MICU2: variants seen among roughly 807,000 people sequenced by gnomAD.
MICU2 encodes the protein calcium uptake protein 2, mitochondrial.
A neutral mutation model predicts 60.4 loss-of-function variants in MICU2; 64 were observed. The observed-to-expected ratio is 1.06, with a 90% confidence interval of 0.87 to 1.31. The LOEUF is 1.31. Ranked by LOEUF, MICU2 falls within the 50% of genes most tolerant of loss-of-function variation. The pLI is 0.00. For synonymous variants in MICU2, 201 were observed against 175.0 expected (o/e 1.15, Z -1.17); for missense variants, 569 against 531.0 (o/e 1.07, Z -0.70).
intron 4 of MICU2, among the ~76,000 whole-genome samples, chr13:21,531,648 A>G (rs888714543): frequency 1.3e-5 from 2 of 152,192 alleles, no homozygotes; most frequent in African/African-American, 2.4e-5. Context: ...AGATTTGTAG[A>G]AGTAATAACT....
At chr13:21,591,462 G>C (rs994289017) in intron 1 of MICU2, among the ~76,000 whole-genome samples, 5 of 152,186 alleles carry the variant, frequency 3.3e-5, no homozygotes, top group African/African-American at 1.2e-4. Context: ...GTATTGGATA[G>C]ATCAATGAGA....
intron 1 of MICU2, among the ~76,000 whole-genome samples, chr13:21,576,062 A>G (rs190549999): frequency 6.6e-6 from 1 of 152,368 alleles, no homozygotes; most frequent in African/African-American, 2.4e-5. Flanking sequence ...AGAAGTATGA[A>G]AGGAACAACA....
At chr13:21,561,534 C>G (rs1222856428) in intron 2 of MICU2, among the ~76,000 whole-genome samples, 1 of 150,172 alleles carries the variant, frequency 6.7e-6, no homozygotes, top group Non-Finnish European at 1.5e-5. Flanking sequence ...AGTACTCACC[C>G]ATTAAAAAAA....
At chr13:21,600,917 C>A (rs1398089220) in intron 1 of MICU2, among the ~76,000 whole-genome samples, 1 of 152,162 alleles carries the variant, frequency 6.6e-6, no homozygotes, top group East Asian at 1.9e-4. Flanking sequence ...CTGCCTCAGG[C>A]CCCCGAGTGG....
At chr13:21,544,275 A>G (rs1887354744) in intron 2 of MICU2, among the ~76,000 whole-genome samples, 1 of 152,194 alleles carries the variant, frequency 6.6e-6, no homozygotes, top group Admixed American at 6.5e-5. Context: ...ATAAGACCTC[A>G]AAAGCACAGA....
chr13:21,499,387 C>G (rs1166725636), intron 9 of MICU2, among the ~76,000 whole-genome samples: 1 of 151,722 alleles, frequency 6.6e-6, no homozygotes, highest in African/African-American at 2.4e-5. Context: ...ACTTACTGTG[C>G]GAGACCGTTC....
Position 21,502,915 on chromosome 13 carries a change from G to A in MICU2, c.933+11C>T. ...ATCTTTATCACATGCATAATAAAAGGGTATACCAACCTCTCCTGCTGACAA... is the reference window on the plus strand; with the variant it reads ...ATCTTTATCACATGCATAATAAAAGAGTATACCAACCTCTCCTGCTGACAA... On this transcript the variant is annotated intron_variant, in intron 9 of 11. Transcript: ENST00000382374. 1 of 1,599,990 alleles carries A rather than the reference G, an allele frequency of 6.3e-7. No individual in the cohort carries two copies. The highest frequency in any genetic ancestry group is 8.5e-7 in the Non-Finnish European group (1 of 1,175,084).
chr13:21,554,165 C>A (rs544657308), intron 2 of MICU2, among the ~76,000 whole-genome samples: 1 of 152,272 alleles, frequency 6.6e-6, no homozygotes, highest in East Asian at 1.9e-4. Flanking sequence ...TTGAACTCAG[C>A]TCTGCACCAA....
intron 8 of MICU2, among the ~76,000 whole-genome samples, chr13:21,506,519 T>G (rs112259745): frequency 6.6e-6 from 1 of 152,214 alleles, no homozygotes; most frequent in African/African-American, 2.4e-5. Flanking sequence ...TGGAAATGTG[T>G]CTTTTTGATT....
chr13:21,497,304 A>G (rs1670530034), intron 9 of MICU2, among the ~76,000 whole-genome samples: 1 of 150,932 alleles, frequency 6.6e-6, no homozygotes, highest in African/African-American at 2.4e-5. Flanking sequence ...GGCGGAGGCT[A>G]CAGTGAGCCA....
In MICU2 at chr13:21,493,329, C is replaced by T. The variant is rs752599714; in HGVS notation, c.1225G>A (p.Glu409Lys). 1 of 1,608,402 alleles carries T rather than the reference C, an allele frequency of 6.2e-7. No individual in the cohort carries two copies. Among genetic ancestry groups the T allele is most frequent in the Non-Finnish European group, 8.5e-7 (1 of 1,177,904 alleles). The change falls in exon 12 of 12, where the codon GAA becomes AAA. Residue 409 changes from glutamate to lysine, a missense_variant. Coordinates refer to ENST00000382374, the MANE Select transcript of MICU2 (RefSeq NM_152726.3). ...LWVPQHQSIQ[E>K]YWKCVKKESI... Reference sequence around the variant, plus strand: ...TCTTTCTTCACACACTTCCAGTATTCTTGTATACTCTGATGTTGTGGTACC... The same window carrying T: ...TCTTTCTTCACACACTTCCAGTATTTTTGTATACTCTGATGTTGTGGTACC...
At chr13:21,567,528 TATC>T (rs1043398632) in intron 1 of MICU2, among the ~76,000 whole-genome samples, 1 of 152,184 alleles carries the variant, frequency 6.6e-6, no homozygotes, top group African/African-American at 2.4e-5. Flanking sequence ...AGATAAAATA[TATC>T]ATATTAGATA....
intron 1 of MICU2, among the ~76,000 whole-genome samples, chr13:21,576,805 C>A (rs906977101): frequency 3.3e-5 from 5 of 152,126 alleles, no homozygotes; most frequent in Non-Finnish European, 7.4e-5. Flanking sequence ...CATGCCCCAC[C>A]CCTAACCCTA....
intron 2 of MICU2, among the ~76,000 whole-genome samples, chr13:21,552,574 A>T (rs1293781182): frequency 4.6e-5 from 7 of 152,208 alleles, no homozygotes; most frequent in Admixed American, 1.3e-4. Flanking sequence ...TCTAACATGT[A>T]AATCTTTAAT....
At chr13:21,570,476 C>G (rs1417055009) in intron 1 of MICU2, among the ~76,000 whole-genome samples, 2 of 152,156 alleles carry the variant, frequency 1.3e-5, no homozygotes, top group East Asian at 1.9e-4. Context: ...AAATCCCAGA[C>G]TTGATAGATT....
intron 1 of MICU2, among the ~76,000 whole-genome samples, chr13:21,591,357 C>T (rs1268535100): frequency 6.6e-6 from 1 of 152,066 alleles, no homozygotes; most frequent in Non-Finnish European, 1.5e-5. Context: ...ACAGGAGCAC[C>T]CAGATTCATA....
At chr13:21,554,750 A>G (rs1244275156) in intron 2 of MICU2, among the ~76,000 whole-genome samples, 1 of 152,204 alleles carries the variant, frequency 6.6e-6, no homozygotes, top group Non-Finnish European at 1.5e-5. Context: ...GTTTTTTGAA[A>G]AGATCAAGAA....
intron 1 of MICU2, among the ~76,000 whole-genome samples, chr13:21,594,795 A>C (rs564914200): frequency 1.3e-5 from 2 of 152,088 alleles, no homozygotes; most frequent in African/African-American, 4.8e-5. Context: ...ATCAAACACC[A>C]CATGTTCTCA....
chr13:21,570,683 G>A (rs755969096), intron 1 of MICU2, among the ~76,000 whole-genome samples: 3 of 152,132 alleles, frequency 2.0e-5, no homozygotes, highest in East Asian at 1.9e-4. Flanking sequence ...CACATATTGC[G>A]ACTATAACTG....
Sources: allele counts gnomAD v4.1 joint callset (sites outside exome capture counted in the v4.1 genomes callset), GRCh38; gene constraint gnomAD v4.1.1; transcripts MANE v1.5; gene names NCBI Gene and HGNC (gene_info 2026-07-23, HGNC 2026-07-21).